Variants in MOB1B observed in about 807,000 individuals in gnomAD.
MOB1B encodes the protein MOB1 Mps One Binder homolog B.
In MOB1B, 19 loss-of-function variants were observed where a neutral mutation model predicts 24.4. That is an observed-to-expected ratio of 0.78 (90% CI 0.54 to 1.14). The LOEUF (loss-of-function observed/expected upper bound fraction) is 1.14, where lower values mean the gene tolerates loss of function less well. Among genes scored for constraint, MOB1B ranks in the 50% most tolerant of loss-of-function variants. MOB1B has a pLI of 0.00. For synonymous variants in MOB1B, 76 were observed against 82.1 expected, an observed-to-expected ratio of 0.93 and a Z score of 0.40; for missense variants, 243 against 259.6, an observed-to-expected ratio of 0.94 and a Z score of 0.44.
chr4:70,961,159 TAAC>T (rs1738285542), intron 2 of MOB1B, among the ~76,000 whole-genome samples: 1 of 152,204 alleles, frequency 6.6e-6, no homozygotes, highest in African/African-American at 2.4e-5. Context: ...AGCAAGGGAT[TAAC>T]AACTGTTAAT....
intron 1 of MOB1B, among the ~76,000 whole-genome samples, chr4:70,947,016 C>T (rs1188644647): frequency 6.6e-6 from 1 of 152,204 alleles, no homozygotes; most frequent in Non-Finnish European, 1.5e-5. Context: ...ATTTACTCAT[C>T]TATCATAACA....
intron 1 of MOB1B, among the ~76,000 whole-genome samples, chr4:70,953,662 G>A (rs925111754): frequency 5.3e-5 from 8 of 152,178 alleles, no homozygotes; most frequent in Admixed American, 2.0e-4. Flanking sequence ...AAAATTGCAG[G>A]CTGGGCATGA....
At chr4:70,975,634 A>G (rs1186578157) in intron 4 of MOB1B, 2 of 949,430 alleles carry the variant, frequency 2.1e-6, no homozygotes, top group East Asian at 1.1e-4. Flanking sequence ...TTTTCAGACA[A>G]TGATAGCATT....
At chr4:70,902,965 C>G (rs1282659689) in intron 1 of MOB1B, among the ~76,000 whole-genome samples, 1 of 152,250 alleles carries the variant, frequency 6.6e-6, no homozygotes, top group Non-Finnish European at 1.5e-5. Flanking sequence ...TTGCTCTTTT[C>G]TGGGTCCCAA....
chr4:70,919,621 C>G (rs1736343759), intron 1 of MOB1B, among the ~76,000 whole-genome samples: 1 of 152,096 alleles, frequency 6.6e-6, no homozygotes, highest in Non-Finnish European at 1.5e-5. Context: ...CCCTCAGGCT[C>G]CCAGGTAGCC....
chr4:70,913,442 A>G (rs937940472), intron 1 of MOB1B, among the ~76,000 whole-genome samples: 1 of 152,022 alleles, frequency 6.6e-6, no homozygotes, highest in Non-Finnish European at 1.5e-5. Flanking sequence ...GACCACAGGC[A>G]TGTGTCGCCA....
intron 1 of MOB1B, among the ~76,000 whole-genome samples, chr4:70,957,435 T>TC (rs370210156): frequency 9.3e-4 from 117 of 125,866 alleles, no homozygotes; most frequent in Middle Eastern, 4.2e-3. Context: ...TCTCTCTCTC[T>TC]TTTTTTTTTT....
intron 1 of MOB1B, among the ~76,000 whole-genome samples, chr4:70,942,243 CCA>C (rs1346777436): frequency 6.6e-6 from 1 of 151,940 alleles, no homozygotes; most frequent in Non-Finnish European, 1.5e-5. Context: ...GTACATATTA[CCA>C]ATATCTTCTA....
At chr4:70,962,926 C>A (rs1433391860) in intron 2 of MOB1B, among the ~76,000 whole-genome samples, 1 of 151,998 alleles carries the variant, frequency 6.6e-6, no homozygotes, top group African/African-American at 2.4e-5. Context: ...ATTGCTGGAG[C>A]CTGGGAAGTG....
chr4:70,915,786 A>G (rs373661790), intron 1 of MOB1B, among the ~76,000 whole-genome samples: 1 of 149,666 alleles, frequency 6.7e-6, no homozygotes, highest in African/African-American at 2.5e-5. Flanking sequence ...CATAGTCCCT[A>G]CCTATTGGGG....
At chr4:70,954,730 C>T (rs1025487957) in intron 1 of MOB1B, among the ~76,000 whole-genome samples, 5 of 145,082 alleles carry the variant, frequency 3.4e-5, no homozygotes, top group East Asian at 4.2e-4. Flanking sequence ...CTGGGATTAC[C>T]GGCATGAGCC....
intron 1 of MOB1B, among the ~76,000 whole-genome samples, chr4:70,905,285 A>G (rs1476425752): frequency 6.6e-6 from 1 of 150,454 alleles, no homozygotes; most frequent in Non-Finnish European, 1.5e-5. Flanking sequence ...GTCGACCAGG[A>G]TGGAGTGCAG....
At chr4:70,975,921 CAA>C (rs993964519) in intron 4 of MOB1B, 11 of 658,984 alleles carry the variant, frequency 1.7e-5, no homozygotes, top group African/African-American at 2.0e-5. Context: ...TTTTGGGAGA[CAA>C]GAGTATCTCT....
chr4:70,929,647 ATTT>A (rs1306346318), intron 1 of MOB1B, among the ~76,000 whole-genome samples: 2 of 135,258 alleles, frequency 1.5e-5, no homozygotes, highest in Admixed American at 7.4e-5. Flanking sequence ...CACCAAGCTA[ATTT>A]TTTTTTTTTT....
At chr4:70,923,408 T>TC (rs1736516158) in intron 1 of MOB1B, among the ~76,000 whole-genome samples, 3 of 152,098 alleles carry the variant, frequency 2.0e-5, no homozygotes, top group African/African-American at 7.2e-5. Context: ...TTGCCATGTT[T>TC]CCCAGGCTGG....
chr4:70,983,422 A>ATG lies in MOB1B; in HGVS notation c.*1366_*1367insGT, dbSNP rs1739280833. 1 of 152,416 alleles carries ATG rather than the reference A, an allele frequency of 6.6e-6. No homozygotes were observed. Among genetic ancestry groups the ATG allele is most frequent in the African/African-American group, 2.4e-5 (1 of 41,458 alleles). The allele number at this position is 152,416 out of a possible 1,614,324, so 9.4% of individuals were successfully genotyped here. ...TTTATTCGCCATGACTTTCTAGTGAATTATTACCATAAATAACAATTTCAG... is the reference window on the plus strand; with the variant it reads ...TTTATTCGCCATGACTTTCTAGTGAATGTTATTACCATAAATAACAATTTCAG... On this transcript the variant is annotated 3_prime_UTR_variant, in exon 6 of 6. Coordinates refer to ENST00000309395, the MANE Select transcript of MOB1B (RefSeq NM_173468.4).
chr4:70,909,455 C>T (rs977166166), intron 1 of MOB1B, among the ~76,000 whole-genome samples: 2 of 151,992 alleles, frequency 1.3e-5, no homozygotes, highest in Non-Finnish European at 2.9e-5. Context: ...GTGAGCTATG[C>T]TTGTGCCAGT....
At chr4:70,960,342 C>T (rs112288645) in intron 2 of MOB1B, among the ~76,000 whole-genome samples, 2 of 151,644 alleles carry the variant, frequency 1.3e-5, no homozygotes, top group African/African-American at 2.4e-5. Context: ...AAAGCTTCAG[C>T]GTTTTTCAAC....
In MOB1B at chr4:70,932,653, A is replaced by T. The variant is rs188291445; in HGVS notation, c.15-26221A>T. On this transcript the variant is annotated intron_variant, in intron 1 of 5. Coordinates refer to ENST00000309395, the MANE Select transcript of MOB1B (RefSeq NM_173468.4). ...TGCAGTGTGATTCCAGAGCCATAGGACTCCATCAGTCTGTGTTTTTCCACT... is the reference window on the plus strand; with the variant it reads ...TGCAGTGTGATTCCAGAGCCATAGGTCTCCATCAGTCTGTGTTTTTCCACT... 5.5e-4 allele frequency among the ~76,000 whole-genome samples: 84 copies of T among 151,854 alleles called. 1 individual carries two copies. Among genetic ancestry groups the T allele is most frequent in the Admixed American group, 5.4e-3 (83 of 15,266 alleles).
Sources: gnomAD v4.1 joint callset for allele counts (sites outside exome capture counted in the v4.1 genomes callset) on GRCh38, gnomAD v4.1.1 for gene constraint, MANE v1.5 for transcripts, NCBI Gene and HGNC (gene_info 2026-07-23, HGNC 2026-07-21) for gene names.